The following KCND3 variants were observed in gnomAD, a reference collection of about 807,000 sequenced individuals.
KCND3 encodes the protein potassium voltage-gated channel subfamily D member 3, also known as A-type voltage-gated potassium channel KCND3.
KCND3 carries 9 observed loss-of-function variants against 51.1 expected under a neutral mutation model. The ratio of observed to expected loss-of-function variants is 0.18; its 90% CI spans 0.11 to 0.31. KCND3 has a LOEUF of 0.31. Ranked by LOEUF, KCND3 falls within the 10% of genes least tolerant of loss-of-function variation. The pLI is 1.00. For synonymous variants in KCND3, 349 were observed against 368.0 expected, an observed-to-expected ratio of 0.95 and a Z score of 0.59; for missense variants, 526 against 903.8, an observed-to-expected ratio of 0.58 and a Z score of 5.36.
chr1:111,907,257 C>A (rs1670691069), intron 2 of KCND3, among the ~76,000 whole-genome samples: 1 of 152,258 alleles, frequency 6.6e-6, no homozygotes, highest in African/African-American at 2.4e-5. Flanking sequence ...GCAATGTTTT[C>A]TTTATGTGTG....
At chr1:111,910,117 C>A (rs549247151) in intron 2 of KCND3, 1 of 152,324 alleles carries the variant, frequency 6.6e-6, no homozygotes, top group African/African-American at 2.4e-5. Context: ...CTCTTTCTCG[C>A]GCTAGGTGGG....
At chr1:111,855,347 T>C (rs1477150199) in intron 2 of KCND3, among the ~76,000 whole-genome samples, 1 of 152,214 alleles carries the variant, frequency 6.6e-6, no homozygotes, top group Non-Finnish European at 1.5e-5. Flanking sequence ...ATCCGAAAGC[T>C]AACTCATCCC....
At chr1:111,869,872 CTG>C (rs1391352377) in intron 2 of KCND3, among the ~76,000 whole-genome samples, 2 of 151,410 alleles carry the variant, frequency 1.3e-5, no homozygotes, top group African/African-American at 4.9e-5. Flanking sequence ...AGTCCGTACT[CTG>C]TGTGTGTGAA....
chr1:111,908,112 C>G (rs887596001), intron 2 of KCND3, among the ~76,000 whole-genome samples: 4 of 152,220 alleles, frequency 2.6e-5, no homozygotes, highest in Non-Finnish European at 5.9e-5. Flanking sequence ...CCTGAAAACA[C>G]TCTGAGGGTT....
intron 2 of KCND3, among the ~76,000 whole-genome samples, chr1:111,887,862 A>C (rs1669638304): frequency 6.6e-6 from 1 of 152,256 alleles, no homozygotes; most frequent in Admixed American, 6.5e-5. Context: ...CAGGGAACCC[A>C]TGTACACAGG....
intron 2 of KCND3, among the ~76,000 whole-genome samples, chr1:111,883,579 A>ATAT (rs1669435439): frequency 6.6e-6 from 1 of 152,208 alleles, no homozygotes; most frequent in Non-Finnish European, 1.5e-5. Flanking sequence ...AGATAAGAAA[A>ATAT]CAGAGGCTTA....
rs1434000886 is a variant in KCND3 at position 111,780,140 on chromosome 1, T to A, written c.1461+85A>T. The A allele has an allele frequency of 6.7e-6, 9 of 1,336,206 alleles. No homozygotes were observed. The East Asian group carries it at 2.0e-4, about 30-fold the overall frequency. 82.8% of individuals were successfully genotyped at this position (1,336,206 alleles called of 1,614,324 possible). A position where few individuals can be genotyped will look rare whatever the true frequency, so the allele number is the denominator to read the frequency against. The stretch of plus-strand genomic sequence containing the variant: ...TCTGAAGGGGACAGACTTTGACTTC[T>A]GGCCCAGAGTGAAGATGTGAGTACA... On this transcript the variant is annotated intron_variant, in intron 5 of 7. Transcript: ENST00000302127. The surrounding 1 kb of genome is among the most constrained non-coding windows in gnomAD (Gnocchi z 4.2).
At chr1:111,965,438 C>CCACACACACACACACA (rs56156826) in intron 2 of KCND3, among the ~76,000 whole-genome samples, 4,693 of 72,146 alleles carry the variant, frequency 0.065, 785 homozygotes, top group Non-Finnish European at 0.076. Context: ...GCCAGCAAAA[C>CCACACACACACACACA]CACACACACA....
intron 2 of KCND3, among the ~76,000 whole-genome samples, chr1:111,946,785 G>A (rs892729102): frequency 2.0e-5 from 3 of 152,166 alleles, no homozygotes; most frequent in Non-Finnish European, 4.4e-5. Context: ...CACCACATAT[G>A]GGGGCCCCAC....
chr1:111,944,879 ACTC>A (rs1672704201), intron 2 of KCND3, among the ~76,000 whole-genome samples: 1 of 152,000 alleles, frequency 6.6e-6, no homozygotes, highest in South Asian at 2.1e-4. Context: ...GTGAGCATGA[ACTC>A]CCTGTCTTCA....
chr1:111,777,720 G>T (rs1664192937), intron 6 of KCND3, among the ~76,000 whole-genome samples: 1 of 152,212 alleles, frequency 6.6e-6, no homozygotes, highest in Non-Finnish European at 1.5e-5. Flanking sequence ...ATAGGTAAGG[G>T]TATGACAAAA....
intron 2 of KCND3, among the ~76,000 whole-genome samples, chr1:111,818,040 GCACACACACA>G (rs59035556): frequency 0.013 from 1,954 of 148,066 alleles, 35 homozygotes; most frequent in African/African-American, 0.042. Flanking sequence ...ACACGCGCGT[GCACACACACA>G]CACACACACA....
intron 2 of KCND3, chr1:111,910,969 C>T (rs182792612): frequency 3.9e-5 from 6 of 152,322 alleles, no homozygotes; most frequent in Admixed American, 2.6e-4. Context: ...CTGGCATCAT[C>T]GTGAATAGAC....
rs557930252 is a variant in KCND3, at chr1:111,894,245, G to C, written c.1106+87376C>G. ...CGGCCTCCCTCCTTCTCTCAAACAC[G>C]CCAGGCTCATTCCCATTATGAGGCT... On this transcript the variant is annotated intron_variant, in intron 2 of 7. Transcript: ENST00000302127. 3.9e-5 allele frequency among the ~76,000 whole-genome samples: 6 copies of C among 152,180 alleles called. No homozygotes were observed. In the South Asian group the frequency reaches 1.0e-3, roughly 26 times the overall value.
Position 111,878,890 on chromosome 1 carries a change from G to A in KCND3, c.1107-91784C>T, listed in dbSNP as rs150627247. Reference sequence around the variant, plus strand: ...GGGTTTCCTGATGAGATCAACATTCGATTCAGCAGACTGAGTAAAGCAGAT... The same window carrying A: ...GGGTTTCCTGATGAGATCAACATTCAATTCAGCAGACTGAGTAAAGCAGAT... On this transcript the variant is annotated intron_variant, in intron 2 of 7. Transcript: ENST00000302127. 6.6e-5 allele frequency among the ~76,000 whole-genome samples: 10 copies of A among 152,284 alleles called. No homozygotes were observed. In the Middle Eastern group the frequency reaches 0.017, roughly 259 times the overall value.
chr1:111,784,309 G>A (rs1389214537), intron 3 of KCND3, among the ~76,000 whole-genome samples: 5 of 151,988 alleles, frequency 3.3e-5, no homozygotes, highest in Non-Finnish European at 7.4e-5. Flanking sequence ...TTACAACTGC[G>A]TGAGCATCTA....
rs1557926815 is a variant in KCND3 at position 111,771,644 on chromosome 1, T to C, written c.*4433A>G. The C allele has an allele frequency of 6.6e-6, 1 of 152,190 alleles. No individual in the cohort carries two copies. The highest frequency in any genetic ancestry group is 2.4e-5 in the African/African-American group (1 of 41,442). 9.4% of individuals were successfully genotyped at this position (152,190 alleles called of 1,614,324 possible). ...TACATTTTCCTTGTCTACAATCTAA[T>C]AAGTGATATCCTGAACTGTAGGAAT... is the stretch of plus-strand genomic sequence containing the variant. On this transcript the variant is annotated 3_prime_UTR_variant, in exon 8 of 8. Transcript: ENST00000302127.
chr1:111,863,952 T>C (rs572658930), intron 2 of KCND3, among the ~76,000 whole-genome samples: 219 of 152,048 alleles, frequency 1.4e-3, no homozygotes, highest in Non-Finnish European at 2.6e-3. Flanking sequence ...GACTTGATGA[T>C]GATTGAAATG....
chr1:111,829,831 G>A (rs1411553843), intron 2 of KCND3, among the ~76,000 whole-genome samples: 1 of 152,116 alleles, frequency 6.6e-6, no homozygotes, highest in Non-Finnish European at 1.5e-5. Flanking sequence ...TTCTCCTGTT[G>A]GGTGCCCAAA....
Sources: gnomAD v4.1 joint callset for allele counts (sites outside exome capture counted in the v4.1 genomes callset) on GRCh38, gnomAD v4.1.1 for gene constraint, Gnocchi (gnomAD v3.1) non-coding constraint, MANE v1.5 for transcripts, NCBI Gene and HGNC (gene_info 2026-07-23, HGNC 2026-07-21) for gene names.